The following NTM variants were observed in gnomAD, a reference collection of about 807,000 sequenced individuals.
The protein encoded by NTM is IgLON family member 2.
Under a neutral mutation model 42.1 loss-of-function variants are expected in NTM, and 13 were observed. The ratio of observed to expected loss-of-function variants is 0.31; its 90% CI spans 0.20 to 0.49. The LOEUF (loss-of-function observed/expected upper bound fraction) is 0.49, where lower values mean the gene tolerates loss of function less well. Ranked by LOEUF, NTM falls within the 20% of genes least tolerant of loss-of-function variation. The pLI, the probability that NTM is intolerant of heterozygous loss-of-function variation, is 0.99. For synonymous variants in NTM, 187 were observed against 179.2 expected (o/e 1.04, Z -0.35); for missense variants, 373 against 452.8 (o/e 0.82, Z 1.60).
intron 1 of NTM, among the ~76,000 whole-genome samples, chr11:131,593,105 G>A (rs1398103000): frequency 1.3e-5 from 2 of 152,138 alleles, no homozygotes; most frequent in Non-Finnish European, 2.9e-5. Context: ...GCAGCAAAAA[G>A]CAAACTATTA....
intron 2 of NTM, among the ~76,000 whole-genome samples, chr11:132,013,537 G>T (rs2072709940): frequency 6.6e-6 from 1 of 152,146 alleles, no homozygotes; most frequent in Non-Finnish European, 1.5e-5. Context: ...ACAGAATCTA[G>T]AAAAGTGGTG....
At chr11:131,525,580 C>A (rs1223740384) in intron 1 of NTM, among the ~76,000 whole-genome samples, 2 of 152,204 alleles carry the variant, frequency 1.3e-5, no homozygotes, top group African/African-American at 4.8e-5. Flanking sequence ...AATACATTCA[C>A]AGACTGGTGT....
intron 1 of NTM, among the ~76,000 whole-genome samples, chr11:131,907,937 G>A (rs1216727339): frequency 6.6e-6 from 1 of 152,162 alleles, no homozygotes; most frequent in Admixed American, 6.5e-5. Context: ...TTCAATAGCC[G>A]GTTTGAATAA....
chr11:132,159,574 G>A (rs1452672744), intron 3 of NTM, among the ~76,000 whole-genome samples: 1 of 152,160 alleles, frequency 6.6e-6, no homozygotes, highest in Non-Finnish European at 1.5e-5. Flanking sequence ...AAAGAACCAG[G>A]AGAGCTTTTT....
chr11:131,798,555 G>T (rs1320320062), intron 1 of NTM, among the ~76,000 whole-genome samples: 2 of 152,184 alleles, frequency 1.3e-5, no homozygotes, highest in Non-Finnish European at 2.9e-5. Context: ...ATGTACTATG[G>T]TTGGTGCTGA....
intron 1 of NTM, among the ~76,000 whole-genome samples, chr11:131,495,067 T>A (rs930125406): frequency 6.6e-6 from 1 of 152,204 alleles, no homozygotes; most frequent in African/African-American, 2.4e-5. Flanking sequence ...AGAATTAAAT[T>A]TAAAAACATG....
At chr11:131,806,017 C>A (rs2092462723) in intron 1 of NTM, among the ~76,000 whole-genome samples, 1 of 152,144 alleles carries the variant, frequency 6.6e-6, no homozygotes, top group Non-Finnish European at 1.5e-5. Flanking sequence ...GATTTGACAT[C>A]CATTGTTTCA....
At chr11:131,621,321 G>A (rs2062513530) in intron 1 of NTM, among the ~76,000 whole-genome samples, 1 of 152,154 alleles carries the variant, frequency 6.6e-6, no homozygotes, top group South Asian at 2.1e-4. Context: ...AAGAACAGGT[G>A]TAAAGCATCA....
intron 2 of NTM, among the ~76,000 whole-genome samples, chr11:132,089,114 T>G (rs1450815191): frequency 6.6e-6 from 1 of 152,196 alleles, no homozygotes; most frequent in Non-Finnish European, 1.5e-5. Flanking sequence ...GTTTTGACTT[T>G]CTCAAAACAC....
intron 3 of NTM, among the ~76,000 whole-genome samples, chr11:132,185,858 G>A (rs996454284): frequency 6.6e-6 from 1 of 152,092 alleles, no homozygotes; most frequent in East Asian, 1.9e-4. Context: ...TTTTGGGCTC[G>A]GATTCTTTAA....
chr11:132,099,912 C>T (rs923125958), intron 2 of NTM, among the ~76,000 whole-genome samples: 25 of 152,134 alleles, frequency 1.6e-4, no homozygotes, highest in Non-Finnish European at 3.1e-4. Context: ...AAAACCTTAA[C>T]ACCCTGTGCT....
intron 1 of NTM, among the ~76,000 whole-genome samples, chr11:131,435,469 G>A (rs1487058349): frequency 1.3e-5 from 2 of 152,148 alleles, no homozygotes; most frequent in Admixed American, 6.5e-5. Context: ...ATTTCATTGA[G>A]CAGTGATTTG....
At chr11:131,491,067 G>A (rs1172771516) in intron 1 of NTM, among the ~76,000 whole-genome samples, 1 of 152,184 alleles carries the variant, frequency 6.6e-6, no homozygotes, top group Non-Finnish European at 1.5e-5. Flanking sequence ...GAAGAAATTT[G>A]AAACTAGTCT....
intron 1 of NTM, among the ~76,000 whole-genome samples, chr11:131,650,667 C>T (rs1344618984): frequency 1.3e-5 from 2 of 152,108 alleles, no homozygotes; most frequent in Non-Finnish European, 2.9e-5. Context: ...AAGAAGGGCT[C>T]TGTTGAGGGA....
chr11:131,460,323 C>T lies in NTM; in HGVS notation c.82+89435C>T, dbSNP rs113912062. Among the ~76,000 whole-genome samples the T allele has an allele frequency of 2.0e-5, 3 of 151,992 alleles. No homozygotes were observed. In the South Asian group the frequency reaches 6.2e-4, roughly 32 times the overall value. ...TGGTTCTCATTTATTTTGAATGGCC[C>T]CAAAGGCCAAAAGTAAGATCAATAA... On this transcript the variant is annotated intron_variant, in intron 1 of 8. Coordinates refer to ENST00000683400, the MANE Select transcript of NTM (RefSeq NM_001352005.2).
intron 1 of NTM, among the ~76,000 whole-genome samples, chr11:131,825,459 T>C (rs976789852): frequency 4.6e-5 from 7 of 152,128 alleles, no homozygotes; most frequent in Non-Finnish European, 7.4e-5. Flanking sequence ...GCACTTGATG[T>C]CTTTGGCTTC....
chr11:132,133,454 T>C (rs1256320272), intron 2 of NTM, among the ~76,000 whole-genome samples: 2 of 152,226 alleles, frequency 1.3e-5, no homozygotes, highest in African/African-American at 2.4e-5. Flanking sequence ...AATGGGCATA[T>C]AATCCCATCC....
chr11:131,972,653 A>G (rs2134718443), intron 2 of NTM, among the ~76,000 whole-genome samples: 1 of 152,084 alleles, frequency 6.6e-6, no homozygotes, highest in Admixed American at 6.5e-5. Flanking sequence ...TGGCCTCCAC[A>G]TTGCTTTTCT....
chr11:132,089,311 A>G (rs375466905), intron 2 of NTM, among the ~76,000 whole-genome samples: 8 of 152,248 alleles, frequency 5.3e-5, no homozygotes, highest in African/African-American at 1.9e-4. Context: ...TTGGAATCAT[A>G]CTGGCAAAGC....
Sources: gnomAD v4.1 joint callset for allele counts (sites outside exome capture counted in the v4.1 genomes callset) on GRCh38, gnomAD v4.1.1 for gene constraint, MANE v1.5 for transcripts, NCBI Gene and HGNC (gene_info 2026-07-23, HGNC 2026-07-21) for gene names.